The following SNRNP35 variants were observed in gnomAD, a reference collection of about 807,000 sequenced individuals.
SNRNP35 encodes the protein small nuclear ribonucleoprotein U11/U12 subunit 35.
SNRNP35 carries 16 observed loss-of-function variants against 24.3 expected under a neutral mutation model. The ratio of observed to expected loss-of-function variants is 0.66; its 90% CI spans 0.45 to 1.00. The LOEUF (loss-of-function observed/expected upper bound fraction) is 1.00, where lower values mean the gene tolerates loss of function less well. SNRNP35 is among the 50% of genes least tolerant of loss of function. SNRNP35 has a pLI of 0.00. For missense variants in SNRNP35, 292 were observed against 327.2 expected, an observed-to-expected ratio of 0.89 and a Z score of 0.83; for synonymous variants, 106 against 124.8, an observed-to-expected ratio of 0.85 and a Z score of 1.00.
At position 123,465,817 on chromosome 12, in the gene SNRNP35, G is replaced by A. The variant is rs1880933352; in HGVS notation, c.277G>A (p.Gly93Ser). 6.2e-7 allele frequency: 1 copy of A among 1,614,038 alleles called. No individual in the cohort carries two copies. The highest frequency in any genetic ancestry group is 8.5e-7 in the Non-Finnish European group (1 of 1,180,018). Reference sequence around the variant, plus strand: ...GGACTTGGTCACAGGTTTTTCAAAGGGCTACGCCTTCATCGAATACAAGGA... The same window carrying A: ...GGACTTGGTCACAGGTTTTTCAAAGAGCTACGCCTTCATCGAATACAAGGA... ...VRDLVTGFSK[G>S]YAFIEYKEER... Residue 93 changes from glycine to serine, a missense_variant, in exon 2 of 2, where the codon GGC becomes AGC. Gly to Ser is a moderately conservative substitution (Grantham distance 56, BLOSUM62 0). Transcript: ENST00000526639. This position sits in a 1 kb window ranked among gnomAD's most constrained non-coding sequence, Gnocchi z 4.2.
downstream of SNRNP35, among the ~76,000 whole-genome samples, chr12:123,468,320 C>G (rs1881045724): frequency 7.2e-6 from 1 of 138,264 alleles, no homozygotes; most frequent in South Asian, 2.3e-4. Context: ...GACCGGACCA[C>G]TGCACTCCAG....
intron 1 of SNRNP35, among the ~76,000 whole-genome samples, chr12:123,460,583 T>C (rs1054714673): frequency 8.8e-6 from 1 of 113,432 alleles, no homozygotes; most frequent in Non-Finnish European, 1.6e-5. Flanking sequence ...CTATGCAATA[T>C]AGTGAGACCC....
chr12:123,459,792 A>G (rs1038828955), intron 1 of SNRNP35: 3 of 1,535,952 alleles, frequency 2.0e-6, no homozygotes, highest in Non-Finnish European at 2.6e-6. Context: ...GTCTCGAGTA[A>G]AAAAAGAGAA....
At chr12:123,464,097 C>A (rs1355631256) in intron 1 of SNRNP35, among the ~76,000 whole-genome samples, 1 of 151,572 alleles carries the variant, frequency 6.6e-6, no homozygotes, top group Non-Finnish European at 1.5e-5. Context: ...CCACGCCCCG[C>A]TAATTTTGTA....
intron 1 of SNRNP35, chr12:123,459,827 T>C: frequency 1.3e-6 from 2 of 1,572,782 alleles, no homozygotes; most frequent in Non-Finnish European, 1.7e-6. Context: ...GAGATTGTTG[T>C]AGGAAATCTC....
At chr12:123,468,729 C>CT (rs1881066938), downstream of SNRNP35, among the ~76,000 whole-genome samples, 1 of 152,122 alleles carries the variant, frequency 6.6e-6, no homozygotes, top group Non-Finnish European at 1.5e-5. Context: ...AGACTCCAAC[C>CT]CTGTACATTT....
chr12:123,458,314 T>G, intron 1 of SNRNP35, 98 bp downstream of exon 1: 1 of 803,266 alleles, frequency 1.2e-6, no homozygotes, highest in Non-Finnish European at 1.5e-6. Flanking sequence ...TGGGGCGCCA[T>G]GTTGAAACCT....
chr12:123,466,262 A>C lies in SNRNP35; in HGVS notation c.722A>C (p.Lys241Thr). ...FRDDRIKGREKKERGK is the reference protein window; with the variant it reads ...FRDDRIKGRETKERGK Reference sequence around the variant, plus strand: ...GATGACAGGATCAAGGGGAGGGAGAAGAAGGAAAGAGGCAAGTAGAGGCCC... The same window carrying C: ...GATGACAGGATCAAGGGGAGGGAGACGAAGGAAAGAGGCAAGTAGAGGCCC... The change falls in exon 2 of 2, where the codon AAG becomes ACG. Residue 241 changes from lysine (K) to threonine (T), a missense_variant. Coordinates refer to ENST00000526639, the MANE Select transcript of SNRNP35 (RefSeq NM_022717.4). 1 of 1,521,928 alleles carries C rather than the reference A, an allele frequency of 6.6e-7. No individual in the cohort carries two copies. The highest frequency in any genetic ancestry group is 1.3e-5 in the South Asian group (1 of 75,090). The allele number at this position is 1,521,928 out of a possible 1,614,324, so 94.3% of individuals were successfully genotyped here.
At chr12:123,459,360 C>T (rs1880471957) in intron 1 of SNRNP35, 2 of 152,042 alleles carry the variant, frequency 1.3e-5, no homozygotes, top group African/African-American at 2.4e-5. Flanking sequence ...CAATAAGAAT[C>T]CTGAAGCTCA....
downstream of SNRNP35, among the ~76,000 whole-genome samples, chr12:123,468,608 C>G (rs370711516): frequency 6.6e-5 from 10 of 151,582 alleles, no homozygotes; most frequent in African/African-American, 2.2e-4. Context: ...GAGAATTGCT[C>G]GAGCCCGGGA....
intron 1 of SNRNP35, among the ~76,000 whole-genome samples, chr12:123,463,695 C>T (rs909214785): frequency 2.6e-5 from 4 of 151,690 alleles, no homozygotes; most frequent in Non-Finnish European, 5.9e-5. Flanking sequence ...CTACCGCGCT[C>T]GCCAGTTTTG....
downstream of SNRNP35, among the ~76,000 whole-genome samples, chr12:123,467,782 G>A (rs926922012): frequency 6.6e-6 from 1 of 152,144 alleles, no homozygotes; most frequent in Non-Finnish European, 1.5e-5. Context: ...AGAAAAATAG[G>A]CCCTTTCCTT....
Position 123,466,137 on chromosome 12 carries a change from G to C in SNRNP35, c.597G>C (p.Arg199Ser). 2 of 1,611,488 alleles carry C rather than the reference G, an allele frequency of 1.2e-6. No individual in the cohort carries two copies. The highest frequency in any genetic ancestry group is 1.7e-6 in the Non-Finnish European group (2 of 1,179,032). ...SRERHWDSRT[R>S]DRDHDRGREK... ...AAAGACACTGGGACTCGAGGACAAG[G>C]GATCGAGACCATGACAGGGGCCGGG... The change falls in exon 2 of 2, where the codon AGG becomes AGC. Residue 199 changes from arginine (R) to serine (S), a missense_variant. Arg to Ser is a moderately radical substitution (Grantham distance 110, BLOSUM62 -1). Coordinates refer to ENST00000526639, the MANE Select transcript of SNRNP35 (RefSeq NM_022717.4).
intron 1 of SNRNP35, chr12:123,459,732 G>A (rs1880496664): frequency 5.4e-6 from 5 of 917,476 alleles, no homozygotes; most frequent in African/African-American, 1.7e-5. Flanking sequence ...AGGTTGCAGT[G>A]AGCCGAGATT....
chr12:123,472,764 TAGC>T, exon 2 of SNRNP35: 1 of 1,461,012 alleles, frequency 6.8e-7, no homozygotes, highest in Non-Finnish European at 9.3e-7. Context: ...CGGAGACATA[TAGC>T]AGCAAACTTA....
At chr12:123,468,596 T>C (rs1441809729), downstream of SNRNP35, among the ~76,000 whole-genome samples, 2 of 150,560 alleles carry the variant, frequency 1.3e-5, no homozygotes, top group Non-Finnish European at 3.0e-5. Flanking sequence ...AGGCTGAGGC[T>C]GGAGAATTGC....
chr12:123,472,769 G>T, exon 2 of SNRNP35: 4 of 1,423,018 alleles, frequency 2.8e-6, no homozygotes, highest in Non-Finnish European at 3.8e-6. Flanking sequence ...ACATATAGCA[G>T]CAAACTTAGA....
In SNRNP35 at chr12:123,465,977, G is replaced by C. The variant is rs1247541198; in HGVS notation, c.437G>C (p.Gly146Ala). ...IPRRLGGGLG[G>A]KKESGQLRFG... ...CGGCGACTTGGAGGCGGTCTTGGGG[G>C]AAAAAAGGAGTCTGGGCAACTGAGA... The change falls in exon 2 of 2, where the codon GGA becomes GCA. Residue 146 changes from glycine to alanine, a missense_variant. Physicochemically the swap from Gly to Ala is moderately conservative, Grantham distance 60. Transcript: ENST00000526639. The surrounding 1 kb of genome is among the most constrained non-coding windows in gnomAD (Gnocchi z 4.2). 6.2e-7 allele frequency: 1 copy of C among 1,613,972 alleles called. No homozygotes were observed. Among genetic ancestry groups the C allele is most frequent in the Admixed American group, 1.7e-5 (1 of 59,940 alleles).
chr12:123,459,971 C>T (rs1215824118), intron 1 of SNRNP35: 4 of 1,002,976 alleles, frequency 4.0e-6, no homozygotes, highest in Non-Finnish European at 6.2e-6. Flanking sequence ...TAATTCTCCT[C>T]CATTTTAATT....
Sources: gnomAD v4.1 joint callset for allele counts (sites outside exome capture counted in the v4.1 genomes callset) on GRCh38, gnomAD v4.1.1 for gene constraint, Gnocchi (gnomAD v3.1) non-coding constraint, MANE v1.5 for transcripts, NCBI Gene and HGNC (gene_info 2026-07-23, HGNC 2026-07-21) for gene names.